Variants in AGPAT3 observed in about 807,000 individuals in gnomAD.
AGPAT3 encodes 1-acyl-sn-glycerol-3-phosphate acyltransferase gamma.
A neutral mutation model predicts 47.3 loss-of-function variants in AGPAT3; 5 were observed. The ratio of observed to expected loss-of-function variants is 0.11; its 90% CI spans 0.06 to 0.22. The LOEUF (loss-of-function observed/expected upper bound fraction) is 0.22. Ranked by LOEUF, AGPAT3 falls within the 10% of genes least tolerant of loss-of-function variation. The pLI is 1.00. For synonymous variants in AGPAT3, 212 were observed against 208.3 expected, an observed-to-expected ratio of 1.02 and a Z score of -0.15; for missense variants, 315 against 493.0, an observed-to-expected ratio of 0.64 and a Z score of 3.42.
At chr21:43,909,079 TC>T (rs894290394) in intron 2 of AGPAT3, among the ~76,000 whole-genome samples, 1 of 152,224 alleles carries the variant, frequency 6.6e-6, no homozygotes, top group African/African-American at 2.4e-5. Context: ...CTATTTTTTT[TC>T]TTTGTACAAC....
rs1180406839 is a variant in AGPAT3 at position 43,948,328 on chromosome 21, A to T, written c.-48-11306A>T. The T allele has an allele frequency of 2.0e-5, 3 of 152,248 alleles. No individual in the cohort carries two copies. In the East Asian group the frequency reaches 5.8e-4, roughly 29 times the overall value. 9.4% of individuals were successfully genotyped at this position (152,248 alleles called of 1,614,324 possible). ...TCACCGAGGGAGGGAAGAACGACAA[A>T]GGTGATGACCAGAGGTATTTGTTTC... On this transcript the variant is annotated intron_variant, in intron 2 of 9. Coordinates refer to ENST00000291572, the MANE Select transcript of AGPAT3 (RefSeq NM_020132.5).
intron 1 of AGPAT3, among the ~76,000 whole-genome samples, chr21:43,877,601 C>A (rs2085762458): frequency 1.3e-5 from 2 of 152,140 alleles, no homozygotes; most frequent in African/African-American, 4.8e-5. Context: ...CACCACCATG[C>A]CCTGCTATTT....
At chr21:43,868,000 C>G (rs578206921) in intron 1 of AGPAT3, among the ~76,000 whole-genome samples, 1 of 152,306 alleles carries the variant, frequency 6.6e-6, no homozygotes, top group East Asian at 1.9e-4. Flanking sequence ...TTACCAATTT[C>G]AAAGCGCTGC....
At chr21:43,966,721 T>C (rs1009045592) in intron 3 of AGPAT3, 3 of 152,240 alleles carry the variant, frequency 2.0e-5, no homozygotes, top group African/African-American at 7.2e-5. Flanking sequence ...GTCTCTAGTG[T>C]CCTTTATAAA....
intron 2 of AGPAT3, among the ~76,000 whole-genome samples, chr21:43,949,270 G>C (rs2088064442): frequency 6.6e-6 from 1 of 152,278 alleles, no homozygotes; most frequent in East Asian, 1.9e-4. Context: ...ATGTCGGGGG[G>C]CCCTCAATTC....
chr21:43,910,266 TGA>T (rs2086601917), intron 2 of AGPAT3, among the ~76,000 whole-genome samples: 3 of 152,044 alleles, frequency 2.0e-5, no homozygotes, highest in African/African-American at 7.2e-5. Context: ...CCTGCGCCCG[TGA>T]GAGGGTGCTG....
chr21:43,939,732 A>C lies in AGPAT3; in HGVS notation c.-48-19902A>C, dbSNP rs1277452577. Among the ~76,000 whole-genome samples, 1 of 152,070 alleles carries C rather than the reference A, an allele frequency of 6.6e-6. No individual in the cohort carries two copies. The highest frequency in any genetic ancestry group is 1.5e-5 in the Non-Finnish European group (1 of 68,008). On this transcript the variant is annotated intron_variant, in intron 2 of 9. Transcript: ENST00000291572. This position sits in a 1 kb window ranked among gnomAD's most constrained non-coding sequence, Gnocchi z 4.4. ...GGCTGAGCACAGGGTAGACCTCACC[A>C]ACTCACCCACAACCTGGCCCCTTGA...
chr21:43,869,277 T>C lies in AGPAT3; in HGVS notation c.-112+3932T>C, dbSNP rs534572897. On this transcript the variant is annotated intron_variant, in intron 1 of 9. Coordinates refer to ENST00000291572, the MANE Select transcript of AGPAT3 (RefSeq NM_020132.5). ...TGTGAAGAATGTGCTGATGATTGGG[T>C]TAAGCTTTTCATAGATTGATTTCTG... 2.0e-5 allele frequency among the ~76,000 whole-genome samples: 3 copies of C among 152,294 alleles called. No homozygotes were observed. In the East Asian group the frequency reaches 5.8e-4, roughly 29 times the overall value.
rs1424897112 is a variant in AGPAT3, at chr21:43,987,016, G to A, written c.*4624G>A. Among the ~76,000 whole-genome samples the A allele has an allele frequency of 6.6e-6, 1 of 152,236 alleles. No individual in the cohort carries two copies. Among genetic ancestry groups the A allele is most frequent in the Non-Finnish European group, 1.5e-5 (1 of 68,046 alleles). On this transcript the variant is annotated 3_prime_UTR_variant, in exon 10 of 10. Coordinates refer to ENST00000291572, the MANE Select transcript of AGPAT3 (RefSeq NM_020132.5). ...GCTGTGCGAGGACCTGTGTACACAG[G>A]CAGGTGTGCGCCTGCCCGAGCGCGA...
intron 3 of AGPAT3, 108 bp downstream of exon 3, chr21:43,959,967 A>C: frequency 8.0e-7 from 1 of 1,248,574 alleles, no homozygotes; most frequent in Non-Finnish European, 1.1e-6. Context: ...AGGGCTATGC[A>C]GGAGGTGCCG....
intron 1 of AGPAT3, among the ~76,000 whole-genome samples, chr21:43,873,744 G>T (rs750804550): frequency 1.3e-4 from 20 of 152,188 alleles, no homozygotes; most frequent in South Asian, 2.1e-4. Flanking sequence ...TACTATATCT[G>T]ACAGTAAATC....
At chr21:43,906,506 C>G (rs901856611) in intron 2 of AGPAT3, among the ~76,000 whole-genome samples, 1 of 152,168 alleles carries the variant, frequency 6.6e-6, no homozygotes, top group African/African-American at 2.4e-5. Flanking sequence ...TATCACTAGA[C>G]AGTCAGCAGA....
At chr21:43,962,892 T>TGACCCACTGTGCCCCGA (rs11267244) in intron 3 of AGPAT3, among the ~76,000 whole-genome samples, 43,176 of 151,780 alleles carry the variant, frequency 0.28, 6,188 homozygotes, top group Admixed American at 0.34. Flanking sequence ...GGACTGAAGA[T>TGACCCACTGTGCCCCGA]GACCCACTGT....
chr21:43,928,279 G>T (rs555080790), intron 2 of AGPAT3, among the ~76,000 whole-genome samples: 1 of 152,336 alleles, frequency 6.6e-6, no homozygotes, highest in Admixed American at 6.5e-5. Context: ...CCCTGAGTTC[G>T]ACACGGCCAC....
intron 2 of AGPAT3, among the ~76,000 whole-genome samples, chr21:43,942,100 G>A (rs1384397108): frequency 2.6e-5 from 4 of 152,260 alleles, no homozygotes; most frequent in Non-Finnish European, 5.9e-5. Context: ...TCAAGTGGTG[G>A]CCTGCGCCGT....
intron 3 of AGPAT3, chr21:43,966,572 C>A (rs1011407061): frequency 1.1e-4 from 16 of 152,270 alleles, no homozygotes; most frequent in African/African-American, 3.1e-4. Flanking sequence ...CCTGCATGTG[C>A]CTGCAGCATC....
chr21:43,944,262 C>T (rs1235713880), intron 2 of AGPAT3, among the ~76,000 whole-genome samples: 1 of 152,282 alleles, frequency 6.6e-6, no homozygotes, highest in African/African-American at 2.4e-5. Context: ...ATGGCTATTT[C>T]AGGCTCCAGG....
intron 1 of AGPAT3, among the ~76,000 whole-genome samples, chr21:43,896,465 A>T (rs1392824202): frequency 2.6e-5 from 4 of 152,236 alleles, no homozygotes; most frequent in African/African-American, 7.2e-5. Context: ...TTTATTCATC[A>T]TGTTATTCAA....
chr21:43,978,192 G>A, intron 8 of AGPAT3, 71 bp downstream of exon 8: 1 of 1,392,246 alleles, frequency 7.2e-7, no homozygotes, highest in Non-Finnish European at 1.0e-6. Context: ...CTGGCGAGCA[G>A]GCAGGTGACA....
Sources: allele counts gnomAD v4.1 joint callset (sites outside exome capture counted in the v4.1 genomes callset), GRCh38; gene constraint gnomAD v4.1.1; non-coding constraint Gnocchi (gnomAD v3.1); transcripts MANE v1.5; gene names NCBI Gene and HGNC (gene_info 2026-07-23, HGNC 2026-07-21).